The following DCTN4 variants were observed in gnomAD, a reference collection of about 807,000 sequenced individuals.
The protein encoded by DCTN4 is dynactin 4 (p62).
Under a neutral mutation model 62.7 loss-of-function variants are expected in DCTN4, and 23 were observed. That is an observed-to-expected ratio of 0.37 (90% CI 0.26 to 0.52). DCTN4 has a LOEUF of 0.52. Ranked by LOEUF, DCTN4 falls within the 20% of genes least tolerant of loss-of-function variation. The pLI, the probability that DCTN4 is intolerant of heterozygous loss-of-function variation, is 0.92. For missense variants in DCTN4, 514 were observed against 580.4 expected (o/e 0.89, Z 1.18); for synonymous variants, 199 against 202.1 (o/e 0.98, Z 0.13).
chr5:150,721,790 T>C (rs1277213795), intron 9 of DCTN4, among the ~76,000 whole-genome samples: 1 of 152,226 alleles, frequency 6.6e-6, no homozygotes, highest in African/African-American at 2.4e-5. Flanking sequence ...GCTTTACTAT[T>C]TGTCTCAGGA....
rs551899430 is a variant in DCTN4 at position 150,733,556 on chromosome 5, A to G, written c.430-81T>C. On this transcript the variant is annotated intron_variant, in intron 4 of 12. Transcript: ENST00000447998. ...TTAATCAACTACACTGACTAGACAC[A>G]TAATGAATAGAGAAGACAAATTATT... is the stretch of plus-strand genomic sequence containing the variant. The G allele has an allele frequency of 1.3e-3, 1,233 of 939,432 alleles. 7 individuals carry two copies. In the African/African-American group the frequency reaches 0.018, roughly 14 times the overall value. 58.2% of individuals were successfully genotyped at this position (939,432 alleles called of 1,614,324 possible).
Position 150,711,111 on chromosome 5 carries a change from G to T in DCTN4, c.*38C>A. On this transcript the variant is annotated 3_prime_UTR_variant, in exon 13 of 13. Transcript: ENST00000447998. Reference sequence around the variant, plus strand: ...CCACATTTTAACGCAGGTTTACGGTGATACTGTCCTTTGGGATCTGCCCTC... The same window carrying T: ...CCACATTTTAACGCAGGTTTACGGTTATACTGTCCTTTGGGATCTGCCCTC... 1 of 1,584,498 alleles carries T rather than the reference G, an allele frequency of 6.3e-7. No individual in the cohort carries two copies. The highest frequency in any genetic ancestry group is 1.1e-5 in the South Asian group (1 of 90,284).
At chr5:150,743,355 C>T (rs1760840229) in intron 3 of DCTN4, among the ~76,000 whole-genome samples, 2 of 152,240 alleles carry the variant, frequency 1.3e-5, no homozygotes, top group Non-Finnish European at 2.9e-5. Flanking sequence ...TCTGTAGGCT[C>T]CACCTCTCGG....
At chr5:150,715,417 C>T (rs368995326) in intron 12 of DCTN4, 148 bp downstream of exon 12, 58 of 617,892 alleles carry the variant, frequency 9.4e-5, no homozygotes, top group East Asian at 5.6e-4. Flanking sequence ...CATGGTCTTA[C>T]ATATATTTCC....
chr5:150,733,398 T>C lies in DCTN4; in HGVS notation c.507A>G (p.Arg169=). The C allele has an allele frequency of 6.2e-7, 1 of 1,614,030 alleles. No homozygotes were observed. The highest frequency in any genetic ancestry group is 8.5e-7 in the Non-Finnish European group (1 of 1,179,938). The change falls in exon 5 of 13, where the codon CGA becomes CGG. Residue 169 remains arginine, a synonymous_variant. Coordinates refer to ENST00000447998, the MANE Select transcript of DCTN4 (RefSeq NM_016221.4). ...KVERDRKKLA[R]RRNYMPLAFS... ...AAGCCAGAGGCATATAGTTTCTACGTCGTGCCAGTTTCTTGCGATCTCGCT... is the reference window on the plus strand; with the variant it reads ...AAGCCAGAGGCATATAGTTTCTACGCCGTGCCAGTTTCTTGCGATCTCGCT...
intron 2 of DCTN4, 132 bp downstream of exon 2, chr5:150,756,285 T>C: frequency 1.9e-6 from 1 of 525,808 alleles, no homozygotes. Flanking sequence ...TCGTGATCCC[T>C]GCCTCCGCCT....
intron 3 of DCTN4, among the ~76,000 whole-genome samples, chr5:150,749,800 T>C (rs1417829473): frequency 6.6e-6 from 1 of 152,220 alleles, no homozygotes; most frequent in Non-Finnish European, 1.5e-5. Flanking sequence ...CAAATGTTCA[T>C]AGCACCTTTA....
intron 8 of DCTN4, among the ~76,000 whole-genome samples, chr5:150,729,978 A>T (rs745442732): frequency 6.6e-6 from 1 of 152,068 alleles, no homozygotes; most frequent in Non-Finnish European, 1.5e-5. Flanking sequence ...GTCTCTTCTA[A>T]TCTAGAGAAT....
chr5:150,725,401 T>A (rs1010687698), intron 8 of DCTN4, among the ~76,000 whole-genome samples: 2 of 151,778 alleles, frequency 1.3e-5, no homozygotes, highest in Non-Finnish European at 2.9e-5. Flanking sequence ...TTAATTTATA[T>A]ATAACTATTT....
rs12232 is a variant in DCTN4, at chr5:150,708,983, G to A, written c.*2166C>T. 9.6e-3 allele frequency: 1,472 copies of A among 152,912 alleles called. 29 individuals are homozygous for A. The highest frequency in any genetic ancestry group is 0.081 in the East Asian group (429 of 5,322). 9.5% of individuals were successfully genotyped at this position (152,912 alleles called of 1,614,324 possible). A position where few individuals can be genotyped will look rare whatever the true frequency, so the allele number is the denominator to read the frequency against. ...AATTAACTTAGCCTAAGTTTCCAAAGCTGTAGTTTCAAGTGCTAATGGGAT... is the reference window on the plus strand; with the variant it reads ...AATTAACTTAGCCTAAGTTTCCAAAACTGTAGTTTCAAGTGCTAATGGGAT... On this transcript the variant is annotated 3_prime_UTR_variant, in exon 13 of 13. Transcript: ENST00000447998.
At position 150,735,477 on chromosome 5, in the gene DCTN4, C is replaced by T. The variant is rs528873508; in HGVS notation, c.430-2002G>A. 2.5e-3 allele frequency among the ~76,000 whole-genome samples: 379 copies of T among 152,296 alleles called. 3 individuals carry two copies. The highest frequency in any genetic ancestry group is 8.8e-3 in the African/African-American group (364 of 41,556). Reference sequence around the variant, plus strand: ...TATCCACAACTGAGAGACCTGAAGACGGACTGCATCACTGGACTCTTTGCA... The same window carrying T: ...TATCCACAACTGAGAGACCTGAAGATGGACTGCATCACTGGACTCTTTGCA... On this transcript the variant is annotated intron_variant, in intron 4 of 12. Transcript: ENST00000447998.
At chr5:150,755,104 G>C (rs1215874883) in intron 2 of DCTN4, among the ~76,000 whole-genome samples, 1 of 152,144 alleles carries the variant, frequency 6.6e-6, no homozygotes, top group Non-Finnish European at 1.5e-5. Context: ...GGATCTAGGA[G>C]TCAACTGAAA....
intron 1 of DCTN4, among the ~76,000 whole-genome samples, chr5:150,757,534 G>A (rs917108170): frequency 2.0e-5 from 3 of 152,248 alleles, no homozygotes; most frequent in Admixed American, 6.5e-5. Context: ...GAGTCTTAGA[G>A]ACAGATCATG....
intron 3 of DCTN4, among the ~76,000 whole-genome samples, chr5:150,746,630 C>T (rs1252904925): frequency 6.6e-6 from 1 of 152,156 alleles, no homozygotes; most frequent in Non-Finnish European, 1.5e-5. Flanking sequence ...AAGGCTGGTT[C>T]AACATACGCA....
chr5:150,748,927 T>TA (rs1241790250), intron 3 of DCTN4, among the ~76,000 whole-genome samples: 2 of 150,408 alleles, frequency 1.3e-5, no homozygotes, highest in African/African-American at 4.9e-5. Context: ...CCCTAAAACT[T>TA]AAAGTATAAT....
chr5:150,746,447 C>G (rs1760966344), intron 3 of DCTN4, among the ~76,000 whole-genome samples: 1 of 152,060 alleles, frequency 6.6e-6, no homozygotes, highest in Non-Finnish European at 1.5e-5. Flanking sequence ...ATGAGGCCAG[C>G]ATCATCCTGA....
intron 4 of DCTN4, among the ~76,000 whole-genome samples, chr5:150,736,650 T>A (rs1760592311): frequency 6.6e-6 from 1 of 151,724 alleles, no homozygotes; most frequent in South Asian, 2.1e-4. Flanking sequence ...CACCAAAATA[T>A]AACCTCCTTA....
At chr5:150,728,651 T>G (rs546042747) in intron 8 of DCTN4, among the ~76,000 whole-genome samples, 1 of 152,182 alleles carries the variant, frequency 6.6e-6, no homozygotes, top group East Asian at 1.9e-4. Flanking sequence ...ATCCCTCTTT[T>G]AAAAAAATTA....
At chr5:150,744,011 G>A (rs1207284440) in intron 3 of DCTN4, among the ~76,000 whole-genome samples, 1 of 152,126 alleles carries the variant, frequency 6.6e-6, no homozygotes, top group African/African-American at 2.4e-5. Context: ...GAGGAAATTC[G>A]AACCAAAGGC....
Sources: gnomAD v4.1 joint callset for allele counts (sites outside exome capture counted in the v4.1 genomes callset) on GRCh38, gnomAD v4.1.1 for gene constraint, MANE v1.5 for transcripts, NCBI Gene and HGNC (gene_info 2026-07-23, HGNC 2026-07-21) for gene names.